SH3D19: variants seen among roughly 807,000 people sequenced by gnomAD.
SH3D19 encodes the protein SH3 domain containing 19, also known as SH3 domain-containing protein 19.
A neutral mutation model predicts 112.1 loss-of-function variants in SH3D19; 58 were observed. The ratio of observed to expected loss-of-function variants is 0.52; its 90% CI spans 0.42 to 0.64. SH3D19 has a LOEUF of 0.64. Ranked by LOEUF, SH3D19 falls within the 30% of genes least tolerant of loss-of-function variation. The pLI, the probability that SH3D19 is intolerant of heterozygous loss-of-function variation, is 0.00. For synonymous variants in SH3D19, 391 were observed against 448.5 expected, an observed-to-expected ratio of 0.87 and a Z score of 1.62; for missense variants, 1,090 against 1,263.4, an observed-to-expected ratio of 0.86 and a Z score of 2.08.
chr4:151,187,389 G>A (rs1761966375), intron 3 of SH3D19, 34 bp downstream of exon 3: 6 of 1,156,508 alleles, frequency 5.2e-6, no homozygotes, highest in Non-Finnish European at 6.5e-6. Flanking sequence ...AATTATTACA[G>A]AGGAAAATAC....
At chr4:151,141,298 G>A (rs143626655) in intron 12 of SH3D19, among the ~76,000 whole-genome samples, 4 of 152,028 alleles carry the variant, frequency 2.6e-5, no homozygotes, top group African/African-American at 4.8e-5. Context: ...GCTAATTTTT[G>A]TATTTTTTGT....
At chr4:151,320,495 G>A (rs1477397524) in intron 1 of SH3D19, among the ~76,000 whole-genome samples, 2 of 152,062 alleles carry the variant, frequency 1.3e-5, no homozygotes, top group Admixed American at 6.5e-5. Flanking sequence ...AAGGGGGTGA[G>A]GGGGGAAGAG....
chr4:151,198,936 T>C (rs1763978967), intron 2 of SH3D19, among the ~76,000 whole-genome samples: 1 of 151,924 alleles, frequency 6.6e-6, no homozygotes, highest in Non-Finnish European at 1.5e-5. Flanking sequence ...CAGCAGTGGG[T>C]AGGCACGAAA....
At chr4:151,187,586 C>T in intron 2 of SH3D19, 123 bp from the exon 3 acceptor site, 1 of 452,160 alleles carries the variant, frequency 2.2e-6, no homozygotes, top group Non-Finnish European at 3.6e-6. Context: ...ACATTATTTA[C>T]TGGCCTATCC....
In SH3D19 at chr4:151,133,343, A is replaced by G. The variant is rs138805378; in HGVS notation, c.2487-107T>C. 439 of 910,238 alleles carry G rather than the reference A, an allele frequency of 4.8e-4. 1 individual carries two copies. In the African/African-American group the frequency reaches 6.9e-3, roughly 14 times the overall value. The allele number at this position is 910,238 out of a possible 1,614,324, so 56.4% of individuals were successfully genotyped here. On this transcript the variant is annotated intron_variant, in intron 15 of 19. Coordinates refer to ENST00000604030, the MANE Select transcript of SH3D19 (RefSeq NM_001378122.1). ...ATATTTATTCTGGGTTTACCATGGA[A>G]TAAGGTATACTAGGCTAATTTGAAA...
intron 9 of SH3D19, among the ~76,000 whole-genome samples, chr4:151,155,640 C>T (rs543517862): frequency 1.1e-4 from 16 of 152,260 alleles, no homozygotes; most frequent in African/African-American, 3.9e-4. Context: ...AATCCTGGCA[C>T]TCTGAGAGGC....
At chr4:151,216,257 T>A (rs1361754190) in intron 2 of SH3D19, among the ~76,000 whole-genome samples, 1 of 152,234 alleles carries the variant, frequency 6.6e-6, no homozygotes, top group Non-Finnish European at 1.5e-5. Context: ...AGGAATTAGC[T>A]AGTACGCTTC....
intron 9 of SH3D19, among the ~76,000 whole-genome samples, chr4:151,154,128 ATTTTTTTTT>A (rs547926242): frequency 9.2e-6 from 1 of 108,698 alleles, no homozygotes; most frequent in African/African-American, 3.2e-5. Context: ...CACCCGGCTG[ATTTTTTTTT>A]TTTTTTTTTT....
intron 1 of SH3D19, among the ~76,000 whole-genome samples, chr4:151,276,954 G>A (rs1228489567): frequency 6.6e-6 from 1 of 152,056 alleles, no homozygotes; most frequent in African/African-American, 2.4e-5. Flanking sequence ...GGACAGCAGG[G>A]GGCGCCACAG....
chr4:151,283,827 T>C (rs909821911), intron 1 of SH3D19, among the ~76,000 whole-genome samples: 8 of 152,166 alleles, frequency 5.3e-5, no homozygotes, highest in African/African-American at 1.9e-4. Flanking sequence ...TATTATGAGG[T>C]TGAAGCAGAA....
rs145362638 is a variant in SH3D19 at position 151,245,509 on chromosome 4, A to G, written c.113-19423T>C. On this transcript the variant is annotated intron_variant, in intron 1 of 19. Transcript: ENST00000604030. Reference sequence around the variant, plus strand: ...ATTCCTCATACCTGTTCCCTGTAAAAGACCATAAACATTCCTGGTTTACTG... The same window carrying G: ...ATTCCTCATACCTGTTCCCTGTAAAGGACCATAAACATTCCTGGTTTACTG... 6.6e-5 allele frequency among the ~76,000 whole-genome samples: 10 copies of G among 152,320 alleles called. No homozygotes were observed. The East Asian group carries it at 1.9e-3, about 29-fold the overall frequency.
At chr4:151,141,937 G>C (rs1753070151) in intron 12 of SH3D19, among the ~76,000 whole-genome samples, 1 of 152,178 alleles carries the variant, frequency 6.6e-6, no homozygotes, top group African/African-American at 2.4e-5. Flanking sequence ...TTCAGTGTAT[G>C]GATATCACTG....
rs761673601 is a variant in SH3D19, at chr4:151,193,123, A to G, written c.153-5660T>C. ...GAAATATTGTAATTTAAATAGTACT[A>G]GTTATTCCACCTATAATCCACTTAA... is the stretch of plus-strand genomic sequence containing the variant. On this transcript the variant is annotated intron_variant, in intron 2 of 19. Coordinates refer to ENST00000604030, the MANE Select transcript of SH3D19 (RefSeq NM_001378122.1). 1.6e-4 allele frequency among the ~76,000 whole-genome samples: 24 copies of G among 151,800 alleles called. 1 individual carries two copies. The highest frequency in any genetic ancestry group is 2.4e-4 in the Non-Finnish European group (16 of 67,964).
chr4:151,150,559 G>C (rs1033413639), intron 9 of SH3D19, among the ~76,000 whole-genome samples: 18 of 151,994 alleles, frequency 1.2e-4, no homozygotes, highest in Non-Finnish European at 2.6e-4. Context: ...GATGGTCTGA[G>C]AGGAAGGCAT....
At position 151,128,315 on chromosome 4, in the gene SH3D19, A is replaced by C. The variant is rs1749874510; in HGVS notation, c.2784T>G (p.Ser928Arg). The change falls in exon 18 of 20, where the codon AGT becomes AGG. Residue 928 changes from serine (S) to arginine (R), a missense_variant. Coordinates refer to ENST00000604030, the MANE Select transcript of SH3D19 (RefSeq NM_001378122.1). ...AGTCATCACTGGTCTCTGCTGTAAA[A>C]CTGTGAAGAGCTTCACACCATTCTG... ...LPAEWCEALH[S>R]FTAETSDDLS... The C allele has an allele frequency of 6.2e-7, 1 of 1,613,868 alleles. No individual in the cohort carries two copies. The highest frequency in any genetic ancestry group is 1.3e-5 in the African/African-American group (1 of 74,894).
chr4:151,139,921 T>C, intron 12 of SH3D19, 74 bp from the exon 13 acceptor site: 2 of 1,228,404 alleles, frequency 1.6e-6, no homozygotes, highest in South Asian at 2.9e-5. Context: ...CTGAGACCAA[T>C]TTTTTTTTTC....
chr4:151,193,269 T>G lies in SH3D19; in HGVS notation c.153-5806A>C, dbSNP rs1044141640. On this transcript the variant is annotated intron_variant, in intron 2 of 19. Coordinates refer to ENST00000604030, the MANE Select transcript of SH3D19 (RefSeq NM_001378122.1). ...TCTGGTCTAATGTTTAAAATAGGTTTGTTTTTTTTTTTAAATATAAAAAGT... is the reference window on the plus strand; with the variant it reads ...TCTGGTCTAATGTTTAAAATAGGTTGGTTTTTTTTTTTAAATATAAAAAGT... Among the ~76,000 whole-genome samples the G allele has an allele frequency of 1.0e-4, 15 of 149,090 alleles. 1 individual carries two copies. The South Asian group carries it at 1.7e-3, about 17-fold the overall frequency.
At chr4:151,187,098 C>T (rs1761919743) in intron 3 of SH3D19, among the ~76,000 whole-genome samples, 1 of 149,848 alleles carries the variant, frequency 6.7e-6, no homozygotes, top group Admixed American at 6.6e-5. Context: ...CCGGCCGCTA[C>T]ATAAAATTTA....
chr4:151,158,034 G>A lies in SH3D19; in HGVS notation c.1755+1206C>T, dbSNP rs572838516. ...ATTCTAGTGTTCTATACCACTGCAGGATGACTATAGTTAACAATAATATAT... is the reference window on the plus strand; with the variant it reads ...ATTCTAGTGTTCTATACCACTGCAGAATGACTATAGTTAACAATAATATAT... On this transcript the variant is annotated intron_variant, in intron 9 of 19. Transcript: ENST00000604030. Among the ~76,000 whole-genome samples the A allele has an allele frequency of 3.3e-5, 5 of 152,190 alleles. No homozygotes were observed. The South Asian group carries it at 8.3e-4, about 25-fold the overall frequency.
Sources: gnomAD v4.1 joint callset for allele counts (sites outside exome capture counted in the v4.1 genomes callset) on GRCh38, gnomAD v4.1.1 for gene constraint, MANE v1.5 for transcripts, NCBI Gene and HGNC (gene_info 2026-07-23, HGNC 2026-07-21) for gene names.